NLRP2: variants seen among roughly 807,000 people sequenced by gnomAD.
NLRP2 encodes NACHT, LRR and PYD domains-containing protein 2.
NLRP2 carries 107 observed loss-of-function variants against 97.2 expected under a neutral mutation model. The observed-to-expected ratio is 1.10, with a 90% CI of 0.94 to 1.29. The LOEUF (loss-of-function observed/expected upper bound fraction) is 1.29. Ranked by LOEUF, NLRP2 falls within the 50% of genes most tolerant of loss-of-function variation. NLRP2 has a pLI of 0.00. For synonymous variants in NLRP2, 663 were observed against 551.5 expected (o/e 1.20, Z -2.83); for missense variants, 1,495 against 1,330.3 (o/e 1.12, Z -1.93).
intron 2 of NLRP2, among the ~76,000 whole-genome samples, chr19:54,973,056 T>C (rs1422632736): frequency 6.6e-6 from 1 of 151,894 alleles, no homozygotes. Context: ...CCGGGCGTGG[T>C]GGCACACTCC....
At chr19:54,980,394 C>A (rs1165942322) in intron 4 of NLRP2, among the ~76,000 whole-genome samples, 6 of 151,902 alleles carry the variant, frequency 3.9e-5, no homozygotes, top group Non-Finnish European at 7.4e-5. Context: ...CAGGGTTTCA[C>A]CGTGTTAGCC....
At chr19:54,986,761 T>C (rs11671837) in intron 8 of NLRP2, among the ~76,000 whole-genome samples, 26,641 of 152,106 alleles carry the variant, frequency 0.18, 2,761 homozygotes, top group Non-Finnish European at 0.24. Context: ...ATTGCCAGGC[T>C]GGTCTCGAAC....
In NLRP2 at chr19:54,983,233, C is replaced by T. The variant is rs1401545356; in HGVS notation, c.1535C>T (p.Ala512Val). The T allele has an allele frequency of 6.2e-7, 1 of 1,613,840 alleles. No homozygotes were observed. The highest frequency in any genetic ancestry group is 8.5e-7 in the Non-Finnish European group (1 of 1,179,906). The change falls in exon 6 of 13, where the codon GCC (alanine) becomes GTC (valine). Residue 512 changes from alanine (A) to valine (V), a missense_variant. By Grantham distance (64) the Ala-to-Val change is moderately conservative. Transcript: ENST00000448584. ...CTCAGCTTCCAGCAGTTTCTCACTGCCCTGTTCTACACCCTGGAGAAGGAG... is the reference window on the plus strand; with the variant it reads ...CTCAGCTTCCAGCAGTTTCTCACTGTCCTGTTCTACACCCTGGAGAAGGAG... ...IHLSFQQFLT[A>V]LFYTLEKEEE...
intron 1 of NLRP2, among the ~76,000 whole-genome samples, chr19:54,966,825 C>CTTTTTTTT (rs1044701142): frequency 4.0e-5 from 3 of 74,988 alleles, no homozygotes; most frequent in Non-Finnish European, 7.2e-5. Flanking sequence ...CGCGCCCAGC[C>CTTTTTTTT]TTTTTTTTTT....
intron 3 of NLRP2, among the ~76,000 whole-genome samples, chr19:54,974,902 C>CATTG (rs2071098812): frequency 6.6e-6 from 1 of 151,990 alleles, no homozygotes; most frequent in Non-Finnish European, 1.5e-5. Flanking sequence ...TGGGTTCAAG[C>CATTG]AGTTCTCCTG....
chr19:54,978,602 T>A (rs1309917940), intron 4 of NLRP2, among the ~76,000 whole-genome samples: 1 of 151,960 alleles, frequency 6.6e-6, no homozygotes, highest in African/African-American at 2.4e-5. Context: ...TCACCTATAA[T>A]CTCCCAGCAC....
chr19:54,970,961 TCCCTCCC>T (rs1160951502), intron 2 of NLRP2, among the ~76,000 whole-genome samples: 2 of 88,998 alleles, frequency 2.2e-5, no homozygotes, highest in Non-Finnish European at 4.4e-5. Flanking sequence ...CCCAATGCTA[TCCCTCCC>T]CCCTCCCCCC....
At chr19:54,972,427 C>T (rs145000862) in intron 2 of NLRP2, among the ~76,000 whole-genome samples, 39 of 151,840 alleles carry the variant, frequency 2.6e-4, no homozygotes, top group Admixed American at 5.9e-4. Context: ...GTGATCAACC[C>T]GCCTCAGCCT....
At chr19:54,996,054 C>CAAAAAA (rs1013592892) in intron 11 of NLRP2, among the ~76,000 whole-genome samples, 1 of 115,900 alleles carries the variant, frequency 8.6e-6, no homozygotes, top group African/African-American at 3.0e-5. Context: ...AAAAAAAAAA[C>CAAAAAA]AAAAAAAACA....
chr19:54,999,970 C>T lies in NLRP2; in HGVS notation c.3051-790C>T, dbSNP rs574690885. ...TAGGCTGGTCTCAAACTCCTGACCT[C>T]AAGTGATCTGCCCACCTCACTCTCC... is the stretch of plus-strand genomic sequence containing the variant. On this transcript the variant is annotated intron_variant, in intron 12 of 12. Transcript: ENST00000448584. Among the ~76,000 whole-genome samples, 8 of 152,214 alleles carry T rather than the reference C, an allele frequency of 5.3e-5. No individual in the cohort carries two copies. In the East Asian group the frequency reaches 1.5e-3, roughly 29 times the overall value.
At chr19:54,990,247 G>A (rs780143780) in intron 9 of NLRP2, 55 bp downstream of exon 9, 10 of 1,564,262 alleles carry the variant, frequency 6.4e-6, no homozygotes, top group Admixed American at 1.7e-5. Flanking sequence ...GGCCACAGAC[G>A]AGCAATGGTC....
At chr19:54,987,751 A>AT (rs112288015) in intron 8 of NLRP2, among the ~76,000 whole-genome samples, 25,702 of 150,950 alleles carry the variant, frequency 0.17, 2,601 homozygotes, top group Non-Finnish European at 0.23. Context: ...AAAAAAAAAA[A>AT]AAAAATCTTG....
chr19:54,998,898 G>A (rs12982963), intron 12 of NLRP2, among the ~76,000 whole-genome samples: 44,445 of 148,458 alleles, frequency 0.3, 7,145 homozygotes, highest in Middle Eastern at 0.43. Context: ...CCCTTAATCC[G>A]TTTAACTCTG....
chr19:54,990,698 G>A lies in NLRP2; in HGVS notation c.2708+26G>A, dbSNP rs372553653. On this transcript the variant is annotated intron_variant, in intron 10 of 12. Coordinates refer to ENST00000448584, the MANE Select transcript of NLRP2 (RefSeq NM_017852.5). ...GTAAGTCCGTGCTGGCTGCCTGTGT[G>A]CGTGGGTGTATATGCACACGCCCCC... 4 of 1,613,772 alleles carry A rather than the reference G, an allele frequency of 2.5e-6. No homozygotes were observed. The African/African-American group carries it at 5.3e-5, about 22-fold the overall frequency.
chr19:54,983,840 T>C (rs2071835760), intron 6 of NLRP2, 112 bp downstream of exon 6: 1 of 1,424,922 alleles, frequency 7.0e-7, no homozygotes, highest in East Asian at 2.3e-5. Context: ...GAATTCCCTC[T>C]TGTTGGACTC....
chr19:54,980,408 A>T (rs182589149), intron 4 of NLRP2, among the ~76,000 whole-genome samples: 3 of 151,740 alleles, frequency 2.0e-5, no homozygotes, highest in Admixed American at 2.0e-4. Context: ...GTTAGCCAGG[A>T]TGGTCTCGAT....
intron 12 of NLRP2, among the ~76,000 whole-genome samples, chr19:54,998,433 T>A (rs1001801941): frequency 2.6e-5 from 4 of 152,140 alleles, no homozygotes; most frequent in Admixed American, 2.6e-4. Context: ...AAATAATCTT[T>A]ATGTAGAAGA....
At chr19:54,981,710 CT>C in intron 5 of NLRP2, 28 bp downstream of exon 5, 1 of 1,231,128 alleles carries the variant, frequency 8.1e-7, no homozygotes, top group Non-Finnish European at 1.2e-6. Context: ...CTGCAGGGAG[CT>C]TGGGATCAGA....
intron 1 of NLRP2, among the ~76,000 whole-genome samples, chr19:54,968,044 A>G (rs2070587930): frequency 6.6e-6 from 1 of 150,658 alleles, no homozygotes; most frequent in Non-Finnish European, 1.5e-5. Flanking sequence ...TCAGCCTTCT[A>G]AGTAGCTGGG....
Sources: gnomAD v4.1 joint callset for allele counts (sites outside exome capture counted in the v4.1 genomes callset) on GRCh38, gnomAD v4.1.1 for gene constraint, MANE v1.5 for transcripts, NCBI Gene and HGNC (gene_info 2026-07-23, HGNC 2026-07-21) for gene names.